Variants in PPM1E observed in about 807,000 individuals in gnomAD.
PPM1E encodes the protein protein phosphatase 1E.
A neutral mutation model predicts 65.9 loss-of-function variants in PPM1E; 20 were observed. That is an observed-to-expected ratio of 0.30 (90% CI 0.21 to 0.44). The LOEUF is 0.44. Ranked by LOEUF, PPM1E falls within the 20% of genes least tolerant of loss-of-function variation. The pLI is 1.00. For missense variants in PPM1E, 713 were observed against 953.1 expected, an observed-to-expected ratio of 0.75 and a Z score of 3.32; for synonymous variants, 352 against 374.9, an observed-to-expected ratio of 0.94 and a Z score of 0.70.
chr17:58,760,482 C>T (rs2049811206), intron 1 of PPM1E, among the ~76,000 whole-genome samples: 1 of 152,244 alleles, frequency 6.6e-6, no homozygotes, highest in East Asian at 1.9e-4. Context: ...AATTCTACCT[C>T]GTAAATACCT....
intron 3 of PPM1E, among the ~76,000 whole-genome samples, chr17:58,968,397 C>T (rs1204270703): frequency 1.3e-5 from 2 of 152,062 alleles, no homozygotes; most frequent in African/African-American, 4.8e-5. Flanking sequence ...TGTACCCTAG[C>T]CTGGGTGTCA....
At chr17:58,877,088 C>A (rs544814568) in intron 1 of PPM1E, among the ~76,000 whole-genome samples, 1 of 152,098 alleles carries the variant, frequency 6.6e-6, no homozygotes, top group Non-Finnish European at 1.5e-5. Flanking sequence ...TGGCCAAATG[C>A]GCATGTTAAA....
chr17:58,835,293 A>G (rs1312605192), intron 1 of PPM1E, among the ~76,000 whole-genome samples: 6 of 152,310 alleles, frequency 3.9e-5, no homozygotes, highest in Admixed American at 1.3e-4. Flanking sequence ...GTAAGCCACA[A>G]TCATTTGTGC....
At chr17:58,777,456 A>T (rs931337276) in intron 1 of PPM1E, among the ~76,000 whole-genome samples, 1 of 152,208 alleles carries the variant, frequency 6.6e-6, no homozygotes, top group Non-Finnish European at 1.5e-5. Flanking sequence ...CATTGAGAGT[A>T]GAAAAAGAAT....
chr17:58,789,661 A>T (rs1457239654), intron 1 of PPM1E, among the ~76,000 whole-genome samples: 1 of 151,968 alleles, frequency 6.6e-6, no homozygotes, highest in African/African-American at 2.4e-5. Context: ...AACAAAAGGC[A>T]TCTTTATTTT....
At chr17:58,914,253 A>G (rs2143513127) in intron 1 of PPM1E, among the ~76,000 whole-genome samples, 1 of 152,342 alleles carries the variant, frequency 6.6e-6, no homozygotes, top group South Asian at 2.1e-4. Context: ...GAAGCCAACC[A>G]GCATTTGTTC....
intron 1 of PPM1E, among the ~76,000 whole-genome samples, chr17:58,796,773 TATACA>T (rs2050210682): frequency 1.1e-4 from 16 of 152,214 alleles, no homozygotes; most frequent in Non-Finnish European, 2.9e-5. Context: ...TCTATATGTT[TATACA>T]TCATTCTATC....
At chr17:58,948,201 A>T (rs957248387) in intron 1 of PPM1E, among the ~76,000 whole-genome samples, 1 of 152,106 alleles carries the variant, frequency 6.6e-6, no homozygotes, top group African/African-American at 2.4e-5. Flanking sequence ...AACAGACTCT[A>T]TTTTTTTATG....
intron 1 of PPM1E, among the ~76,000 whole-genome samples, chr17:58,915,936 A>G (rs1262366989): frequency 1.3e-5 from 2 of 152,154 alleles, no homozygotes; most frequent in African/African-American, 4.8e-5. Flanking sequence ...AATGGGTACA[A>G]TCATACTTCA....
rs945910248 is a variant in PPM1E, at chr17:58,982,700, G to A, written c.*1669G>A. On this transcript the variant is annotated 3_prime_UTR_variant, in exon 7 of 7. Coordinates refer to ENST00000308249, the MANE Select transcript of PPM1E (RefSeq NM_014906.5). ...TTTTTAAAATTTGGATGTAAGTAGA[G>A]ACTTTCAGTATTTGTTTTCTCTTGA... is the stretch of plus-strand genomic sequence containing the variant. 24 of 502,596 alleles carry A rather than the reference G, an allele frequency of 4.8e-5. No individual in the cohort carries two copies. Among genetic ancestry groups the A allele is most frequent in the Non-Finnish European group, 7.1e-6 (2 of 283,560 alleles). 31.1% of individuals were successfully genotyped at this position (502,596 alleles called of 1,614,324 possible). A position where few individuals can be genotyped will look rare whatever the true frequency, so the allele number is the denominator to read the frequency against.
chr17:58,985,166 C>A lies in PPM1E; in HGVS notation c.*4135C>A, dbSNP rs1274122117. 6.6e-6 allele frequency: 1 copy of A among 152,506 alleles called. No individual in the cohort carries two copies. Among genetic ancestry groups the A allele is most frequent in the Non-Finnish European group, 1.5e-5 (1 of 68,014 alleles). 9.4% of individuals were successfully genotyped at this position (152,506 alleles called of 1,614,324 possible). On this transcript the variant is annotated 3_prime_UTR_variant, in exon 7 of 7. Coordinates refer to ENST00000308249, the MANE Select transcript of PPM1E (RefSeq NM_014906.5). ...TGCCAATTATCTTAATAAAACCTGGCAATTTAAAAACCACTAGTCATTTGT... is the reference window on the plus strand; with the variant it reads ...TGCCAATTATCTTAATAAAACCTGGAAATTTAAAAACCACTAGTCATTTGT...
intron 1 of PPM1E, among the ~76,000 whole-genome samples, chr17:58,807,202 C>T (rs1025281375): frequency 2.0e-5 from 3 of 151,996 alleles, no homozygotes; most frequent in Non-Finnish European, 2.9e-5. Flanking sequence ...TGATACTTTC[C>T]ATAATAAAAT....
chr17:58,911,818 T>C (rs1028667421), intron 1 of PPM1E, among the ~76,000 whole-genome samples: 2 of 152,208 alleles, frequency 1.3e-5, no homozygotes, highest in South Asian at 2.1e-4. Context: ...CACAAATAAA[T>C]AATAAGAAAG....
intron 4 of PPM1E, among the ~76,000 whole-genome samples, chr17:58,971,610 G>A (rs539559615): frequency 6.6e-6 from 1 of 152,216 alleles, no homozygotes; most frequent in African/African-American, 2.4e-5. Flanking sequence ...GCTGTCTCTT[G>A]GCCCCTTAGC....
intron 1 of PPM1E, among the ~76,000 whole-genome samples, chr17:58,805,994 A>C (rs1239908924): frequency 1.3e-4 from 15 of 118,348 alleles, no homozygotes; most frequent in Non-Finnish European, 2.2e-4. Flanking sequence ...ACAAAACAAA[A>C]CAAAACAAAA....
intron 6 of PPM1E, among the ~76,000 whole-genome samples, chr17:58,976,895 AAAT>A (rs1468101642): frequency 6.6e-6 from 1 of 152,220 alleles, no homozygotes; most frequent in Non-Finnish European, 1.5e-5. Context: ...GGAATTCAAA[AAAT>A]AATAATGATG....
At chr17:58,897,180 T>C (rs572597164) in intron 1 of PPM1E, among the ~76,000 whole-genome samples, 98 of 152,184 alleles carry the variant, frequency 6.4e-4, no homozygotes, top group African/African-American at 2.3e-3. Context: ...TTTGGGAGGC[T>C]GAGGCTGGTG....
intron 1 of PPM1E, among the ~76,000 whole-genome samples, chr17:58,929,570 T>C (rs919078610): frequency 1.3e-5 from 2 of 152,152 alleles, no homozygotes; most frequent in African/African-American, 4.8e-5. Flanking sequence ...GATGGATTGA[T>C]CAATAGATAG....
At chr17:58,908,121 A>G (rs1001329100) in intron 1 of PPM1E, among the ~76,000 whole-genome samples, 1 of 150,718 alleles carries the variant, frequency 6.6e-6, no homozygotes, top group African/African-American at 2.4e-5. Flanking sequence ...TCACTCTGTC[A>G]TCCAGGCTGG....
Sources: allele counts gnomAD v4.1 joint callset (sites outside exome capture counted in the v4.1 genomes callset), GRCh38; gene constraint gnomAD v4.1.1; transcripts MANE v1.5; gene names NCBI Gene and HGNC (gene_info 2026-07-23, HGNC 2026-07-21).